The following NOS1AP variants were observed in gnomAD, a reference collection of about 807,000 sequenced individuals.
NOS1AP encodes the protein carboxyl-terminal PDZ ligand of neuronal nitric oxide synthase protein.
Under a neutral mutation model 56.2 loss-of-function variants are expected in NOS1AP, and 21 were observed. The ratio of observed to expected loss-of-function variants is 0.37; its 90% CI spans 0.26 to 0.54. NOS1AP has a LOEUF of 0.54. Ranked by LOEUF, NOS1AP falls within the 20% of genes least tolerant of loss-of-function variation. The pLI is 0.84. For synonymous variants in NOS1AP, 270 were observed against 274.6 expected (o/e 0.98, Z 0.17); for missense variants, 522 against 657.8 (o/e 0.79, Z 2.26).
rs999463605 is a variant in NOS1AP, at chr1:162,322,009, C to T, written c.345-11008C>T. Among the ~76,000 whole-genome samples the T allele has an allele frequency of 9.2e-5, 14 of 152,030 alleles. No individual in the cohort carries two copies. The East Asian group carries it at 1.9e-3, about 21-fold the overall frequency. On this transcript the variant is annotated intron_variant, in intron 4 of 9. Coordinates refer to ENST00000361897, the MANE Select transcript of NOS1AP (RefSeq NM_014697.3). ...AAAAGAAGCCCAAACTCCAGCCTTG[C>T]GCAATATATCCGTGTAACAAACCTA...
intron 1 of NOS1AP, among the ~76,000 whole-genome samples, chr1:162,144,565 G>A (rs1003150076): frequency 4.9e-5 from 3 of 60,810 alleles, no homozygotes; most frequent in Non-Finnish European, 9.6e-5. Context: ...ACCATGTGTT[G>A]GACTTTCTTT....
chr1:162,144,374 C>T (rs1276131010), intron 1 of NOS1AP, among the ~76,000 whole-genome samples: 1 of 152,198 alleles, frequency 6.6e-6, no homozygotes, highest in Non-Finnish European at 1.5e-5. Flanking sequence ...TTGATTTTCC[C>T]TTCTATAAAG....
At chr1:162,294,196 T>TAAGGAAGGAAGGAAGGAAGG (rs1193084437) in intron 3 of NOS1AP, among the ~76,000 whole-genome samples, 2 of 88,298 alleles carry the variant, frequency 2.3e-5, no homozygotes, top group African/African-American at 6.1e-5. Context: ...AGGAAGGAAG[T>TAAGGAAGGAAGGAAGGAAGG]AAGGAAGGAA....
At chr1:162,359,269 C>T (rs1210886192) in intron 8 of NOS1AP, among the ~76,000 whole-genome samples, 1 of 152,184 alleles carries the variant, frequency 6.6e-6, no homozygotes, top group East Asian at 1.9e-4. Flanking sequence ...CATACTGCAT[C>T]TGTGTCCCAC....
chr1:162,217,668 T>C (rs1038412283), intron 2 of NOS1AP, among the ~76,000 whole-genome samples: 1 of 152,190 alleles, frequency 6.6e-6, no homozygotes, highest in African/African-American at 2.4e-5. Flanking sequence ...GCTGGCTCCC[T>C]GATGCCAGAG....
At position 162,150,167 on chromosome 1, in the gene NOS1AP, ACT is replaced by A. The variant is rs1649651966; in HGVS notation, c.106-4231_106-4230del. ...CCCACCTACTGGTAACCATTGTTCT[ACT>A]CTCTCTTTCCATGAGCTGAATTGTT... On this transcript the variant is annotated intron_variant, in intron 1 of 9. Coordinates refer to ENST00000361897, the MANE Select transcript of NOS1AP (RefSeq NM_014697.3). Among the ~76,000 whole-genome samples, 6 of 151,880 alleles carry A rather than the reference ACT, an allele frequency of 4.0e-5. No individual in the cohort carries two copies. The South Asian group carries it at 1.3e-3, about 32-fold the overall frequency.
chr1:162,255,329 C>T (rs1653990509), intron 2 of NOS1AP, among the ~76,000 whole-genome samples: 1 of 152,064 alleles, frequency 6.6e-6, no homozygotes, highest in Non-Finnish European at 1.5e-5. Flanking sequence ...GCTGCAATTT[C>T]CTGTTTCAGC....
intron 2 of NOS1AP, among the ~76,000 whole-genome samples, chr1:162,242,950 A>G (rs537415598): frequency 7.2e-5 from 11 of 151,864 alleles, no homozygotes; most frequent in Non-Finnish European, 1.0e-4. Context: ...TTTATTTTGC[A>G]TGTTGCTTTC....
chr1:162,083,356 T>C (rs1157136189), intron 1 of NOS1AP, among the ~76,000 whole-genome samples: 2 of 152,220 alleles, frequency 1.3e-5, no homozygotes, highest in Non-Finnish European at 2.9e-5. Context: ...CTTGAGTCCA[T>C]GCTATTTTCC....
intron 2 of NOS1AP, among the ~76,000 whole-genome samples, chr1:162,195,478 CA>C (rs1171977904): frequency 6.6e-6 from 1 of 152,206 alleles, no homozygotes; most frequent in Non-Finnish European, 1.5e-5. Flanking sequence ...GCACATATGA[CA>C]GGCTCAGTAT....
At chr1:162,140,460 G>A (rs191713954) in intron 1 of NOS1AP, among the ~76,000 whole-genome samples, 81 of 152,292 alleles carry the variant, frequency 5.3e-4, no homozygotes, top group Admixed American at 1.2e-3. Flanking sequence ...CATTCACATT[G>A]CTTCAAAGGA....
chr1:162,118,846 G>C (rs1293427613), intron 1 of NOS1AP, among the ~76,000 whole-genome samples: 1 of 152,120 alleles, frequency 6.6e-6, no homozygotes, highest in African/African-American at 2.4e-5. Context: ...GACTCTGTGA[G>C]TTCTTTTCAC....
At chr1:162,159,569 C>T (rs150023512) in intron 2 of NOS1AP, among the ~76,000 whole-genome samples, 10 of 152,234 alleles carry the variant, frequency 6.6e-5, no homozygotes, top group African/African-American at 2.4e-4. Flanking sequence ...GGTTCCAGTG[C>T]AAACATCCCT....
At chr1:162,271,041 T>C (rs887003844) in intron 2 of NOS1AP, among the ~76,000 whole-genome samples, 1 of 152,216 alleles carries the variant, frequency 6.6e-6, no homozygotes, top group Non-Finnish European at 1.5e-5. Flanking sequence ...ACATGTTGAA[T>C]ATCAGTTTTG....
chr1:162,361,069 C>G, intron 8 of NOS1AP: 1 of 372,448 alleles, frequency 2.7e-6, no homozygotes, highest in East Asian at 7.3e-5. Context: ...GAGTGCAGAG[C>G]TGGACATCTG....
intron 2 of NOS1AP, among the ~76,000 whole-genome samples, chr1:162,242,972 C>T (rs1653536664): frequency 6.8e-6 from 1 of 146,522 alleles, no homozygotes; most frequent in South Asian, 2.3e-4. Flanking sequence ...GTTTGAGCTC[C>T]TCCCCTATAT....
At chr1:162,133,748 T>C (rs929523947) in intron 1 of NOS1AP, among the ~76,000 whole-genome samples, 3 of 152,382 alleles carry the variant, frequency 2.0e-5, no homozygotes, top group African/African-American at 4.8e-5. Flanking sequence ...TCTTATTGTC[T>C]GCCTTGAGAA....
intron 1 of NOS1AP, among the ~76,000 whole-genome samples, chr1:162,116,160 G>C (rs1309544970): frequency 6.6e-6 from 1 of 152,164 alleles, no homozygotes; most frequent in African/African-American, 2.4e-5. Context: ...GAGGACAGCT[G>C]TGTCACCTTC....
intron 1 of NOS1AP, among the ~76,000 whole-genome samples, chr1:162,113,684 T>C (rs1261388964): frequency 2.0e-5 from 3 of 152,068 alleles, no homozygotes; most frequent in Non-Finnish European, 4.4e-5. Context: ...TTGTGAAAAC[T>C]CTGTATCACC....
Sources: allele counts gnomAD v4.1 joint callset (sites outside exome capture counted in the v4.1 genomes callset), GRCh38; gene constraint gnomAD v4.1.1; transcripts MANE v1.5; gene names NCBI Gene and HGNC (gene_info 2026-07-23, HGNC 2026-07-21).